Variants in DIP2B observed in about 807,000 individuals in gnomAD.
DIP2B encodes the protein disco-interacting protein 2 homolog B.
In DIP2B, 76 loss-of-function variants were observed where a neutral mutation model predicts 198.0. The observed-to-expected ratio is 0.38, with a 90% CI of 0.32 to 0.46. The LOEUF (loss-of-function observed/expected upper bound fraction) is 0.46. DIP2B is among the 20% of genes least tolerant of loss of function. The pLI, the probability that DIP2B is intolerant of heterozygous loss-of-function variation, is 0.99. For synonymous variants in DIP2B, 701 were observed against 739.1 expected (o/e 0.95, Z 0.84); for missense variants, 1,559 against 1,978.4 (o/e 0.79, Z 4.02).
intron 1 of DIP2B, among the ~76,000 whole-genome samples, chr12:50,605,286 C>A (rs1958971768): frequency 1.3e-5 from 2 of 152,084 alleles, no homozygotes; most frequent in African/African-American, 4.8e-5. Context: ...TTTTAGAACT[C>A]CAAAAGAAAC....
intron 1 of DIP2B, among the ~76,000 whole-genome samples, chr12:50,557,005 C>T (rs543355474): frequency 1.3e-3 from 201 of 152,130 alleles, no homozygotes; most frequent in African/African-American, 4.2e-3. Context: ...TCACCGCGCC[C>T]GGTGCATTTT....
chr12:50,626,156 C>G, intron 2 of DIP2B, 109 bp downstream of exon 2: 1 of 1,114,616 alleles, frequency 9.0e-7, no homozygotes, highest in Non-Finnish European at 1.3e-6. Context: ...CCCTTCCTCA[C>G]CAGGGGAGAG....
chr12:50,696,772 C>G (rs975693932), intron 16 of DIP2B, among the ~76,000 whole-genome samples: 2 of 152,176 alleles, frequency 1.3e-5, no homozygotes, highest in African/African-American at 4.8e-5. Flanking sequence ...TGCATATTGC[C>G]TGCAGTGTTA....
chr12:50,695,501 C>A (rs1939295076), intron 15 of DIP2B, 141 bp downstream of exon 15: 2 of 829,246 alleles, frequency 2.4e-6, no homozygotes, highest in South Asian at 3.4e-5. Context: ...AATTAGGTAC[C>A]TTGCCTGTTC....
At chr12:50,529,192 T>A (rs1958193737) in intron 1 of DIP2B, among the ~76,000 whole-genome samples, 1 of 152,092 alleles carries the variant, frequency 6.6e-6, no homozygotes, top group South Asian at 2.1e-4. Context: ...CTCAGGAGGC[T>A]GAGGTGGGAA....
chr12:50,732,681 TC>T (rs1940065464), intron 32 of DIP2B, 145 bp downstream of exon 32: 1 of 1,009,828 alleles, frequency 9.9e-7, no homozygotes, highest in African/African-American at 1.6e-5. Flanking sequence ...AATCTCGATT[TC>T]TTTGTGTCTC....
At chr12:50,669,927 C>G (rs1175274223) in intron 4 of DIP2B, among the ~76,000 whole-genome samples, 1 of 152,122 alleles carries the variant, frequency 6.6e-6, no homozygotes, top group Non-Finnish European at 1.5e-5. Flanking sequence ...CAGTACTAAC[C>G]ACAGAATGTT....
In DIP2B at chr12:50,732,381, C is replaced by T; in HGVS notation, c.3826C>T (p.Leu1276Phe). 1.2e-6 allele frequency: 2 copies of T among 1,614,220 alleles called. No homozygotes were observed. Among genetic ancestry groups the T allele is most frequent in the Non-Finnish European group, 1.7e-6 (2 of 1,180,030 alleles). ...TGTCTTGCAGACCAGAGGGATCAAC[C>T]TCTCCTGCGTCCGGACCTGTGTGGT... ...VEVLKTRGIN[L>F]SCVRTCVVVA... The change falls in exon 32 of 38, where the codon CTC becomes TTC. Residue 1276 changes from leucine to phenylalanine, a missense_variant. Physicochemically the swap from Leu to Phe is conservative, Grantham distance 22 (BLOSUM62 0). Coordinates refer to ENST00000301180, the MANE Select transcript of DIP2B (RefSeq NM_173602.3).
At chr12:50,554,254 C>T (rs1958450296) in intron 1 of DIP2B, among the ~76,000 whole-genome samples, 2 of 152,140 alleles carry the variant, frequency 1.3e-5, no homozygotes, top group African/African-American at 4.8e-5. Flanking sequence ...CCCACCCATG[C>T]TTCCATACCA....
Position 50,748,533 on chromosome 12 carries a change from GTTTT to G in DIP2B, c.*3698_*3701del, listed in dbSNP as rs1181767881. On this transcript the variant is annotated 3_prime_UTR_variant, in exon 38 of 38. Coordinates refer to ENST00000301180, the MANE Select transcript of DIP2B (RefSeq NM_173602.3). Reference sequence around the variant, plus strand: ...ACAGTACTGTGTAATTATGTATAAAGTTTTTTTATTTATTTGAAGTTAGACTAGA... The same window carrying G: ...ACAGTACTGTGTAATTATGTATAAAGTTTATTTATTTGAAGTTAGACTAGA... 1 of 152,572 alleles carries G rather than the reference GTTTT, an allele frequency of 6.6e-6. No individual in the cohort carries two copies. Among genetic ancestry groups the G allele is most frequent in the African/African-American group, 2.4e-5 (1 of 41,416 alleles). The allele number at this position is 152,572 out of a possible 1,614,324, so 9.5% of individuals were successfully genotyped here.
rs1486841984 is a variant in DIP2B at position 50,731,543 on chromosome 12, A to C, written c.3810+6A>C. On this transcript the variant is annotated splice_donor_region_variant and intron_variant, in intron 31 of 37. Coordinates refer to ENST00000301180, the MANE Select transcript of DIP2B (RefSeq NM_173602.3). The stretch of plus-strand genomic sequence containing the variant: ...ACCAAGTGGAAGTGCTAAAGGTAAG[A>C]AGCAGCTCCAGCAGGTGGCCAGTCC... 6.2e-7 allele frequency: 1 copy of C among 1,606,940 alleles called. No homozygotes were observed. Among genetic ancestry groups the C allele is most frequent in the African/African-American group, 1.3e-5 (1 of 74,758 alleles).
chr12:50,614,337 C>T (rs1048333509), intron 1 of DIP2B, among the ~76,000 whole-genome samples: 7 of 152,204 alleles, frequency 4.6e-5, no homozygotes, highest in African/African-American at 1.4e-4. Context: ...TCCATTTCCT[C>T]TGCCTGTTCT....
At chr12:50,505,854 A>G (rs1436091073) in intron 1 of DIP2B, among the ~76,000 whole-genome samples, 1 of 150,720 alleles carries the variant, frequency 6.6e-6, no homozygotes, top group Non-Finnish European at 1.5e-5. Flanking sequence ...CACCTTTGTC[A>G]TAAGAAGTTT....
chr12:50,531,811 G>A (rs755840906), intron 1 of DIP2B, among the ~76,000 whole-genome samples: 2 of 152,222 alleles, frequency 1.3e-5, no homozygotes, highest in African/African-American at 2.4e-5. Flanking sequence ...TAAGTTGCCT[G>A]AGGGCAGGAA....
chr12:50,565,730 A>G (rs1367870456), intron 1 of DIP2B, among the ~76,000 whole-genome samples: 1 of 152,122 alleles, frequency 6.6e-6, no homozygotes, highest in East Asian at 1.9e-4. Context: ...TTCACCCTCA[A>G]ATTAATCTTA....
intron 1 of DIP2B, among the ~76,000 whole-genome samples, chr12:50,552,722 AT>A (rs1335699657): frequency 3.5e-4 from 53 of 152,254 alleles, no homozygotes; most frequent in African/African-American, 1.3e-3. Flanking sequence ...TATCCAAGAA[AT>A]TCTTGCCAAA....
intron 23 of DIP2B, 61 bp from the exon 24 acceptor site, chr12:50,718,648 G>T: frequency 7.0e-7 from 1 of 1,434,940 alleles, no homozygotes; most frequent in Non-Finnish European, 9.8e-7. Flanking sequence ...GTCTGGAAAT[G>T]CTCTGGATAC....
chr12:50,521,851 G>C (rs1178992839), intron 1 of DIP2B, among the ~76,000 whole-genome samples: 1 of 151,594 alleles, frequency 6.6e-6, no homozygotes, highest in Non-Finnish European at 1.5e-5. Context: ...TTGCTATGTT[G>C]CCCAGGCTTC....
At chr12:50,532,567 T>C (rs1958228008) in intron 1 of DIP2B, among the ~76,000 whole-genome samples, 1 of 152,134 alleles carries the variant, frequency 6.6e-6, no homozygotes, top group Non-Finnish European at 1.5e-5. Flanking sequence ...CCTTGGAACA[T>C]GCATTGTGAA....
Sources: gnomAD v4.1 joint callset for allele counts (sites outside exome capture counted in the v4.1 genomes callset) on GRCh38, gnomAD v4.1.1 for gene constraint, MANE v1.5 for transcripts, NCBI Gene and HGNC (gene_info 2026-07-23, HGNC 2026-07-21) for gene names.